NAT2: variants seen among roughly 807,000 people sequenced by gnomAD.
The protein encoded by NAT2 is arylamine N-acetyltransferase 2.
For missense variants in NAT2, 428 were observed against 339.1 expected, an observed-to-expected ratio of 1.26 and a Z score of -2.06; for synonymous variants, 137 against 125.9, an observed-to-expected ratio of 1.09 and a Z score of -0.59.
At position 18,400,569 on chromosome 8, in the gene NAT2, T is replaced by C. The variant is rs541628619; in HGVS notation, c.566T>C (p.Ile189Thr). ...CTGCCAAAGAAGAAACACCAAAAAATATACTTATTTACGCTTGAACCTCGA... is the reference window on the plus strand; with the variant it reads ...CTGCCAAAGAAGAAACACCAAAAAACATACTTATTTACGCTTGAACCTCGA... ...HLLPKKKHQK[I>T]YLFTLEPRTI... The change falls in exon 2 of 2, where the codon ATA (isoleucine) becomes ACA (threonine). Residue 189 changes from isoleucine (I) to threonine (T), a missense_variant. Physicochemically the swap from Ile to Thr is moderately conservative, Grantham distance 89 (BLOSUM62 -1). Coordinates refer to ENST00000286479, the MANE Select transcript of NAT2 (RefSeq NM_000015.3). The C allele has an allele frequency of 8.7e-5, 141 of 1,612,484 alleles. 1 individual carries two copies. The Admixed American group carries it at 2.3e-3, about 26-fold the overall frequency.
At position 18,398,464 on chromosome 8, in the gene NAT2, G is replaced by C. The variant is rs1490092073; in HGVS notation, c.-6-1534G>C. The stretch of plus-strand genomic sequence containing the variant: ...TTCTAGGTTCTGCCTTGGGGAAAGA[G>C]ATTCTAGTTTGTTTGGCCAGCTTTG... On this transcript the variant is annotated intron_variant, in intron 1 of 1. Coordinates refer to ENST00000286479, the MANE Select transcript of NAT2 (RefSeq NM_000015.3). Among the ~76,000 whole-genome samples, 3 of 152,308 alleles carry C rather than the reference G, an allele frequency of 2.0e-5. No individual in the cohort carries two copies. The East Asian group carries it at 5.8e-4, about 29-fold the overall frequency.
At chr8:18,397,279 C>G (rs1001287849) in intron 1 of NAT2, among the ~76,000 whole-genome samples, 2 of 151,878 alleles carry the variant, frequency 1.3e-5, no homozygotes, top group Non-Finnish European at 2.9e-5. Context: ...AAGAAAATCA[C>G]TTTTGTCTAA....
chr8:18,387,477 C>A, upstream of NAT2: 1 of 153,986 alleles, frequency 6.5e-6, no homozygotes, highest in South Asian at 1.8e-4. Context: ...CCCTTCAGCT[C>A]CTGCCTGTTC....
intron 1 of NAT2, among the ~76,000 whole-genome samples, chr8:18,397,547 A>C (rs944275918): frequency 6.6e-6 from 1 of 152,178 alleles, no homozygotes; most frequent in Non-Finnish European, 1.5e-5. Flanking sequence ...TCATAAAAGA[A>C]ATTTTGTTTG....
intron 1 of NAT2, among the ~76,000 whole-genome samples, chr8:18,399,792 C>T (rs1800755591): frequency 6.6e-6 from 1 of 152,104 alleles, no homozygotes; most frequent in Admixed American, 6.5e-5. Context: ...TAATACTTTC[C>T]TTACAGGGTT....
At chr8:18,396,763 T>C (rs780880318) in intron 1 of NAT2, among the ~76,000 whole-genome samples, 2 of 152,202 alleles carry the variant, frequency 1.3e-5, no homozygotes, top group Non-Finnish European at 2.9e-5. Context: ...CTGAGCTATC[T>C]GTAAAAAAAT....
rs531177096 is a variant in NAT2, at chr8:18,397,838, C to G, written c.-6-2160C>G. On this transcript the variant is annotated intron_variant, in intron 1 of 1. Transcript: ENST00000286479. ...TGAGAATAGCTGAGATCTTAACTCT[C>G]TCTTTCAACTTTTTGTTGGCTCTGG... 9.2e-5 allele frequency among the ~76,000 whole-genome samples: 14 copies of G among 152,248 alleles called. 2 individuals carry two copies. The highest frequency in any genetic ancestry group is 3.4e-4 in the African/African-American group (14 of 41,550).
At chr8:18,391,140 G>T (rs909203184), upstream of NAT2, 3 of 152,088 alleles carry the variant, frequency 2.0e-5, no homozygotes, top group African/African-American at 4.8e-5. Flanking sequence ...AAAGATTTGC[G>T]TAAGAGATTC....
chr8:18,394,107 G>C (rs1339057976), intron 1 of NAT2, among the ~76,000 whole-genome samples: 10 of 152,130 alleles, frequency 6.6e-5, no homozygotes, highest in Admixed American at 6.5e-4. Flanking sequence ...GAAAAGTACA[G>C]TCAAAGGGGG....
At chr8:18,389,366 A>C (rs1800557776), upstream of NAT2, among the ~76,000 whole-genome samples, 1 of 152,216 alleles carries the variant, frequency 6.6e-6, no homozygotes, top group Non-Finnish European at 1.5e-5. Context: ...ATTTTAATCC[A>C]TCTCTCTTCG....
intron 1 of NAT2, among the ~76,000 whole-genome samples, chr8:18,396,757 G>C (rs1451624556): frequency 6.6e-6 from 1 of 152,144 alleles, no homozygotes; most frequent in Non-Finnish European, 1.5e-5. Flanking sequence ...TAAATCCTGA[G>C]CTATCTGTAA....
At chr8:18,388,161 A>G (rs1800534684), upstream of NAT2, among the ~76,000 whole-genome samples, 1 of 152,216 alleles carries the variant, frequency 6.6e-6, no homozygotes, top group South Asian at 2.1e-4. Context: ...GAGACTGAGC[A>G]CCCAAGAGTT....
intron 1 of NAT2, among the ~76,000 whole-genome samples, chr8:18,394,758 A>G (rs538948972): frequency 2.0e-5 from 3 of 152,278 alleles, no homozygotes; most frequent in East Asian, 1.9e-4. Context: ...CCCAATATCA[A>G]TTTCTTAAAA....
chr8:18,395,167 G>T (rs914503396), intron 1 of NAT2, among the ~76,000 whole-genome samples: 19 of 151,874 alleles, frequency 1.3e-4, no homozygotes, highest in African/African-American at 4.6e-4. Context: ...AGTCCTGGGA[G>T]TTTTTTTTCT....
chr8:18,396,907 G>A (rs1254902008), intron 1 of NAT2, among the ~76,000 whole-genome samples: 1 of 152,140 alleles, frequency 6.6e-6, no homozygotes, highest in Non-Finnish European at 1.5e-5. Context: ...TAGGTAAACT[G>A]CTAACAATGA....
chr8:18,393,885 T>C (rs187583675), intron 1 of NAT2, among the ~76,000 whole-genome samples: 47 of 152,332 alleles, frequency 3.1e-4, no homozygotes, highest in African/African-American at 9.4e-4. Flanking sequence ...AGATACACTA[T>C]AGTTTTTGAA....
upstream of NAT2, chr8:18,387,612 C>G (rs1224958168): frequency 6.5e-6 from 1 of 153,364 alleles, no homozygotes; most frequent in Non-Finnish European, 1.5e-5. Flanking sequence ...CGCCCCGGCC[C>G]TCGGCCCTCT....
rs72554617 is a variant in NAT2, at chr8:18,400,502, G to A, written c.499G>A (p.Glu167Lys). The change falls in exon 2 of 2, where the codon GAG becomes AAG. Residue 167 changes from glutamate (E) to lysine (K), a missense_variant. Glu to Lys is a moderately conservative substitution (Grantham distance 56). Transcript: ENST00000286479. Reference protein sequence around the residue: ...GIWYLDQIRREQYITNKEFLN... With the variant: ...GIWYLDQIRRKQYITNKEFLN... ...CTGGTACCTGGACCAAATCAGGAGA[G>A]AGCAGTATATTACAAACAAAGAATT... is the stretch of plus-strand genomic sequence containing the variant. 8.1e-5 allele frequency: 131 copies of A among 1,613,644 alleles called. No homozygotes were observed. Among genetic ancestry groups the A allele is most frequent in the East Asian group, 4.0e-4 (18 of 44,854 alleles).
intron 1 of NAT2, among the ~76,000 whole-genome samples, chr8:18,394,143 G>A (rs45509001): frequency 7.6e-4 from 115 of 152,190 alleles, no homozygotes; most frequent in African/African-American, 2.6e-3. Context: ...GCAGAGTGGG[G>A]GTCACAAGGT....
Sources: gnomAD v4.1 joint callset for allele counts (sites outside exome capture counted in the v4.1 genomes callset) on GRCh38, gnomAD v4.1.1 for gene constraint, MANE v1.5 for transcripts, NCBI Gene and HGNC (gene_info 2026-07-23, HGNC 2026-07-21) for gene names.